The following KALRN variants were observed in gnomAD, a reference collection of about 807,000 sequenced individuals.
KALRN encodes kalirin RhoGEF kinase.
Under a neutral mutation model 353.7 loss-of-function variants are expected in KALRN, and 70 were observed. The ratio of observed to expected loss-of-function variants is 0.20; its 90% CI spans 0.16 to 0.24. The LOEUF is 0.24. Ranked by LOEUF, KALRN falls within the 10% of genes least tolerant of loss-of-function variation. KALRN has a pLI of 1.00. For missense variants in KALRN, 2,791 were observed against 3,756.7 expected (o/e 0.74, Z 6.72); for synonymous variants, 1,391 against 1,434.8 (o/e 0.97, Z 0.69).
At chr3:124,285,318 C>G (rs553190083) in intron 5 of KALRN, among the ~76,000 whole-genome samples, 1 of 152,138 alleles carries the variant, frequency 6.6e-6, no homozygotes, top group Non-Finnish European at 1.5e-5. Context: ...TCCTCTGGAA[C>G]TCTAAGTATG....
At chr3:124,351,794 A>G (rs2082862485) in intron 10 of KALRN, among the ~76,000 whole-genome samples, 1 of 152,256 alleles carries the variant, frequency 6.6e-6, no homozygotes, top group Non-Finnish European at 1.5e-5. Context: ...TGTGTTTAAT[A>G]GCTCTTGAAC....
At chr3:124,581,546 A>T (rs188917847) in intron 34 of KALRN, among the ~76,000 whole-genome samples, 229 of 152,322 alleles carry the variant, frequency 1.5e-3, no homozygotes, top group African/African-American at 5.2e-3. Flanking sequence ...ATGAGATGTC[A>T]TTAGTCTCTT....
chr3:124,366,898 C>A (rs2084828518), intron 10 of KALRN, among the ~76,000 whole-genome samples: 1 of 132,530 alleles, frequency 7.5e-6, no homozygotes, highest in Non-Finnish European at 1.6e-5. Flanking sequence ...CCCCCCACCT[C>A]CCTCCCGGAT....
intron 1 of KALRN, among the ~76,000 whole-genome samples, chr3:124,166,901 C>T (rs1578863217): frequency 6.6e-6 from 1 of 151,970 alleles, no homozygotes; most frequent in African/African-American, 2.4e-5. Flanking sequence ...CAAAATTAGC[C>T]AGTCCTGGTG....
At chr3:124,341,297 G>A (rs926493740) in intron 9 of KALRN, among the ~76,000 whole-genome samples, 1 of 152,212 alleles carries the variant, frequency 6.6e-6, no homozygotes, top group Non-Finnish European at 1.5e-5. Context: ...GCTCACCTGC[G>A]TTGTTATCCC....
At chr3:124,181,274 G>A (rs768612957) in intron 1 of KALRN, among the ~76,000 whole-genome samples, 18 of 151,882 alleles carry the variant, frequency 1.2e-4, no homozygotes, top group Non-Finnish European at 2.5e-4. Flanking sequence ...ACATTTATGC[G>A]TGATGGTTAA....
chr3:124,704,411 G>A (rs747195545), intron 57 of KALRN, among the ~76,000 whole-genome samples: 8 of 152,152 alleles, frequency 5.3e-5, no homozygotes, highest in African/African-American at 1.4e-4. Flanking sequence ...AAAAGTAATC[G>A]ATGTTTTTGT....
At chr3:124,286,087 CTTT>C (rs1560462478) in intron 5 of KALRN, among the ~76,000 whole-genome samples, 149 of 124,078 alleles carry the variant, frequency 1.2e-3, no homozygotes, top group Middle Eastern at 4.1e-3. Context: ...TCCTTCCTTT[CTTT>C]CTTTCTTTCT....
At chr3:124,243,975 T>C (rs1463109638) in intron 3 of KALRN, among the ~76,000 whole-genome samples, 1 of 152,208 alleles carries the variant, frequency 6.6e-6, no homozygotes, top group Non-Finnish European at 1.5e-5. Context: ...GTTAGGGTTA[T>C]GCTTAAGTTT....
intron 55 of KALRN, 115 bp downstream of exon 55, chr3:124,697,839 T>A (rs1028192679): frequency 9.2e-7 from 1 of 1,092,876 alleles, no homozygotes; most frequent in Non-Finnish European, 1.3e-6. Context: ...TTTCAAAAAT[T>A]TGAATAGAGA....
At chr3:124,600,275 C>A (rs333247) in intron 34 of KALRN, among the ~76,000 whole-genome samples, 9,718 of 152,304 alleles carry the variant, frequency 0.064, 1,012 homozygotes, top group African/African-American at 0.22. Flanking sequence ...CATAACTCAC[C>A]TGGGTTTGTC....
chr3:124,291,961 T>C (rs896067057), intron 5 of KALRN, among the ~76,000 whole-genome samples: 1 of 152,206 alleles, frequency 6.6e-6, no homozygotes, highest in African/African-American at 2.4e-5. Context: ...GATGTCCGTG[T>C]AATGATCTCT....
intron 10 of KALRN, 130 bp from the exon 11 acceptor site, chr3:124,384,715 C>A: frequency 1.1e-6 from 1 of 873,214 alleles, no homozygotes; most frequent in Non-Finnish European, 1.7e-6. Flanking sequence ...GCGCACCGCG[C>A]CTCAGTGCCA....
chr3:124,694,882 T>C (rs990932217), intron 53 of KALRN, among the ~76,000 whole-genome samples: 7 of 152,174 alleles, frequency 4.6e-5, no homozygotes, highest in Non-Finnish European at 8.8e-5. Context: ...GCATGCACCA[T>C]ACTTATGAAG....
chr3:124,358,176 C>A (rs2083627314), intron 10 of KALRN, among the ~76,000 whole-genome samples: 1 of 152,046 alleles, frequency 6.6e-6, no homozygotes, highest in East Asian at 1.9e-4. Flanking sequence ...TTTGTATTTT[C>A]TTTAATTAAA....
intron 34 of KALRN, among the ~76,000 whole-genome samples, chr3:124,606,082 A>C (rs929295378): frequency 2.6e-5 from 4 of 152,184 alleles, no homozygotes; most frequent in African/African-American, 9.6e-5. Context: ...TAGCTTAAAG[A>C]CTTGACTTAA....
chr3:124,386,012 G>T (rs999663537), intron 11 of KALRN, among the ~76,000 whole-genome samples: 4 of 152,096 alleles, frequency 2.6e-5, no homozygotes, highest in African/African-American at 9.7e-5. Context: ...AATGCATTAA[G>T]AATCTTGGTT....
At chr3:124,608,150 G>A (rs1286233202) in intron 34 of KALRN, among the ~76,000 whole-genome samples, 1 of 151,610 alleles carries the variant, frequency 6.6e-6, no homozygotes, top group Non-Finnish European at 1.5e-5. Context: ...TGGGACCACA[G>A]GCATGTGTCG....
chr3:124,423,728 G>C (rs2092891313), intron 15 of KALRN, among the ~76,000 whole-genome samples: 1 of 152,278 alleles, frequency 6.6e-6, no homozygotes, highest in South Asian at 2.1e-4. Context: ...AATATTAGCT[G>C]AATGTGGTGG....
Sources: gnomAD v4.1 joint callset for allele counts (sites outside exome capture counted in the v4.1 genomes callset) on GRCh38, gnomAD v4.1.1 for gene constraint, MANE v1.5 for transcripts, NCBI Gene and HGNC (gene_info 2026-07-23, HGNC 2026-07-21) for gene names.